Variants in WDR27 observed in about 807,000 individuals in gnomAD.
WDR27 encodes the protein WD repeat-containing protein 27.
A neutral mutation model predicts 114.4 loss-of-function variants in WDR27; 100 were observed. The ratio of observed to expected loss-of-function variants is 0.87; its 90% CI spans 0.74 to 1.03. The LOEUF is 1.03. WDR27 is among the 50% of genes least tolerant of loss of function. The pLI is 0.00. For missense variants in WDR27, 1,129 were observed against 1,092.9 expected (o/e 1.03, Z -0.47); for synonymous variants, 449 against 423.1 (o/e 1.06, Z -0.75).
intron 21 of WDR27, among the ~76,000 whole-genome samples, chr6:169,616,096 T>A (rs550445172): frequency 6.5e-4 from 98 of 151,220 alleles, no homozygotes; most frequent in Non-Finnish European, 8.6e-4. Flanking sequence ...TTCAAAAAAA[T>A]GATAAAAGAA....
chr6:169,481,631 C>T (rs571400008), intron 25 of WDR27, among the ~76,000 whole-genome samples: 1 of 152,244 alleles, frequency 6.6e-6, no homozygotes, highest in Admixed American at 6.5e-5. Context: ...ACTCCAGACG[C>T]ACTGCCTTTA....
the WDR27 span, among the ~76,000 whole-genome samples, chr6:169,446,591 C>A: frequency 1.3e-5 from 2 of 152,076 alleles, no homozygotes; most frequent in African/African-American, 4.8e-5. Flanking sequence ...GTTATGTAAT[C>A]GTGAAAGAAA....
intron 5 of WDR27, 59 bp from the exon 6 acceptor site, chr6:169,667,246 G>T: frequency 2.1e-6 from 3 of 1,429,042 alleles, no homozygotes; most frequent in Non-Finnish European, 2.7e-6. Flanking sequence ...ATTGCAACAG[G>T]TGAAGCTAAC....
the WDR27 span, among the ~76,000 whole-genome samples, chr6:169,440,538 C>G: frequency 1.3e-5 from 2 of 152,236 alleles, no homozygotes; most frequent in South Asian, 4.1e-4. Flanking sequence ...TTCCCAAGAG[C>G]ACTAAACCAA....
chr6:169,579,413 T>C (rs1802992083), intron 24 of WDR27, among the ~76,000 whole-genome samples: 1 of 152,142 alleles, frequency 6.6e-6, no homozygotes, highest in Non-Finnish European at 1.5e-5. Flanking sequence ...CCATCAGAAA[T>C]GAGAAATTAG....
chr6:169,647,923 G>A, intron 15 of WDR27, 53 bp from the exon 16 acceptor site: 5 of 1,332,424 alleles, frequency 3.8e-6, no homozygotes, highest in Non-Finnish European at 4.1e-6. Context: ...AGTGAGATTA[G>A]AAGTAAAACA....
intron 2 of WDR27, among the ~76,000 whole-genome samples, chr6:169,678,837 C>G (rs961998366): frequency 5.3e-5 from 8 of 152,216 alleles, no homozygotes; most frequent in African/African-American, 1.4e-4. Context: ...AATCCACATT[C>G]TATAGAGAAA....
rs373732570 is a variant in WDR27, at chr6:169,612,920, C to T, written c.2321+639G>A. Among the ~76,000 whole-genome samples the T allele has an allele frequency of 1.3e-4, 20 of 152,222 alleles. No individual in the cohort carries two copies. In the South Asian group the frequency reaches 2.5e-3, roughly 19 times the overall value. ...ATTTGAAATAATAATAGTAAACAAACCTGCCTGTAAGTTTTATTATTGCAT... is the reference window on the plus strand; with the variant it reads ...ATTTGAAATAATAATAGTAAACAAATCTGCCTGTAAGTTTTATTATTGCAT... On this transcript the variant is annotated intron_variant, in intron 22 of 25. Coordinates refer to ENST00000448612, the MANE Select transcript of WDR27 (RefSeq NM_182552.5).
intron 23 of WDR27, among the ~76,000 whole-genome samples, chr6:169,589,023 C>T (rs1214372592): frequency 6.6e-6 from 1 of 152,184 alleles, no homozygotes; most frequent in African/African-American, 2.4e-5. Flanking sequence ...CTCCCATTCA[C>T]ACATGGTTTA....
At chr6:169,577,315 G>A (rs574598471) in intron 24 of WDR27, among the ~76,000 whole-genome samples, 3 of 152,104 alleles carry the variant, frequency 2.0e-5, no homozygotes, top group Non-Finnish European at 2.9e-5. Flanking sequence ...AGGAGGGGGC[G>A]TCCGCGCCGA....
rs886526753 is a variant in WDR27, at chr6:169,506,151, G to A, written c.2646-48517C>T. The stretch of plus-strand genomic sequence containing the variant: ...CTAAAAATTAAACACTGCAACTTTA[G>A]AAGCTCTGAAGAATTTCCAAGCACT... On this transcript the variant is annotated intron_variant, in intron 25 of 25. Transcript: ENST00000448612. Among the ~76,000 whole-genome samples, 11 of 152,282 alleles carry A rather than the reference G, an allele frequency of 7.2e-5. No homozygotes were observed. In the South Asian group the frequency reaches 2.1e-3, roughly 29 times the overall value.
At chr6:169,509,177 C>G (rs1033319110) in intron 25 of WDR27, among the ~76,000 whole-genome samples, 1 of 152,098 alleles carries the variant, frequency 6.6e-6, no homozygotes, top group Non-Finnish European at 1.5e-5. Context: ...GTAGGAAGAA[C>G]CAATATCGTG....
intron 22 of WDR27, among the ~76,000 whole-genome samples, chr6:169,610,876 G>A (rs997415382): frequency 1.3e-5 from 2 of 152,140 alleles, no homozygotes; most frequent in Non-Finnish European, 2.9e-5. Flanking sequence ...TGGTATGATT[G>A]AATTTGGAGA....
intron 25 of WDR27, among the ~76,000 whole-genome samples, chr6:169,482,512 A>G (rs78209868): frequency 2.0e-5 from 3 of 152,302 alleles, no homozygotes; most frequent in East Asian, 1.9e-4. Context: ...TTCTCTTATA[A>G]TCAGTGATGC....
chr6:169,608,018 T>C (rs1809620929), intron 22 of WDR27, among the ~76,000 whole-genome samples: 1 of 151,412 alleles, frequency 6.6e-6, no homozygotes, highest in South Asian at 2.1e-4. Context: ...CTATTGCTCC[T>C]AGGCTACAAA....
chr6:169,627,564 C>A (rs1815179756), intron 21 of WDR27, among the ~76,000 whole-genome samples: 1 of 152,196 alleles, frequency 6.6e-6, no homozygotes, highest in African/African-American at 2.4e-5. Context: ...ATTCACCATG[C>A]CTGCTGTCCT....
rs1828445059 is a variant in WDR27, at chr6:169,668,262, G to C, written c.457-77C>G. The C allele has an allele frequency of 6.8e-6, 10 of 1,466,058 alleles. No homozygotes were observed. In the South Asian group the frequency reaches 7.3e-5, roughly 11 times the overall value. The allele number at this position is 1,466,058 out of a possible 1,614,324, so 90.8% of individuals were successfully genotyped here. A position where few individuals can be genotyped will look rare whatever the true frequency, so the allele number is the denominator to read the frequency against. On this transcript the variant is annotated intron_variant, in intron 4 of 25. Transcript: ENST00000448612. ...ATATAAACCAAGGGTGAAAAGTCAGGTGTCTGAGCTAAGAGGAAAGCTCAG... is the reference window on the plus strand; with the variant it reads ...ATATAAACCAAGGGTGAAAAGTCAGCTGTCTGAGCTAAGAGGAAAGCTCAG...
At chr6:169,696,756 A>G (rs897495438) in intron 1 of WDR27, among the ~76,000 whole-genome samples, 1 of 152,312 alleles carries the variant, frequency 6.6e-6, no homozygotes, top group Non-Finnish European at 1.5e-5. Flanking sequence ...TCTACTAAAA[A>G]TACAAAAATT....
intron 23 of WDR27, among the ~76,000 whole-genome samples, chr6:169,587,747 C>T (rs1048910792): frequency 3.9e-5 from 6 of 152,246 alleles, no homozygotes; most frequent in Non-Finnish European, 1.5e-5. Context: ...ATAAAAGCTG[C>T]ATTTGCAATG....
Sources: allele counts gnomAD v4.1 joint callset (sites outside exome capture counted in the v4.1 genomes callset), GRCh38; gene constraint gnomAD v4.1.1; transcripts MANE v1.5; gene names NCBI Gene and HGNC (gene_info 2026-07-23, HGNC 2026-07-21).